SRGAP1: variants seen among roughly 807,000 people sequenced by gnomAD.
SRGAP1 encodes SLIT-ROBO Rho GTPase activating protein 1.
A neutral mutation model predicts 121.9 loss-of-function variants in SRGAP1; 43 were observed. The ratio of observed to expected loss-of-function variants is 0.35; its 90% CI spans 0.28 to 0.46. The LOEUF (loss-of-function observed/expected upper bound fraction) is 0.46, where lower values mean the gene tolerates loss of function less well. Ranked by LOEUF, SRGAP1 falls within the 20% of genes least tolerant of loss-of-function variation. The probability of loss-of-function intolerance (pLI) is 1.00; values close to 1 mark genes in which losing one functional copy is unlikely to be tolerated. For synonymous variants in SRGAP1, 447 were observed against 485.4 expected (o/e 0.92, Z 1.04); for missense variants, 1,102 against 1,350.9 (o/e 0.82, Z 2.89).
At chr12:64,112,531 A>G (rs4763138) in intron 17 of SRGAP1, among the ~76,000 whole-genome samples, 66,409 of 152,026 alleles carry the variant, frequency 0.44, 15,082 homozygotes, top group East Asian at 0.63. Flanking sequence ...TAGCATGGCA[A>G]TATTGCCTCC....
At chr12:63,971,485 A>G (rs2032945902) in intron 1 of SRGAP1, among the ~76,000 whole-genome samples, 1 of 152,116 alleles carries the variant, frequency 6.6e-6, no homozygotes, top group South Asian at 2.1e-4. Flanking sequence ...TGTTGAATTC[A>G]GTTTTTTTTC....
intron 4 of SRGAP1, among the ~76,000 whole-genome samples, chr12:64,034,987 G>C (rs1327970999): frequency 6.6e-6 from 1 of 151,648 alleles, no homozygotes; most frequent in Non-Finnish European, 1.5e-5. Context: ...TAACAGTCCT[G>C]CTGGCCACTC....
intron 6 of SRGAP1, among the ~76,000 whole-genome samples, chr12:64,060,345 C>A (rs1446316885): frequency 1.3e-5 from 2 of 151,626 alleles, no homozygotes; most frequent in Non-Finnish European, 2.9e-5. Context: ...ATAGCTAGGA[C>A]CACAGCACCC....
chr12:64,049,121 G>C (rs1218285293), intron 6 of SRGAP1, among the ~76,000 whole-genome samples: 1 of 152,186 alleles, frequency 6.6e-6, no homozygotes, highest in Non-Finnish European at 1.5e-5. Flanking sequence ...TCTTGTAGTA[G>C]TTGCATAGTT....
chr12:63,993,204 C>CT (rs140162665), intron 3 of SRGAP1, among the ~76,000 whole-genome samples: 172 of 147,394 alleles, frequency 1.2e-3, no homozygotes, highest in East Asian at 4.9e-3. Context: ...TCTTTCCTGC[C>CT]TTTTTTTTTT....
At chr12:64,136,073 G>A (rs2036851844) in intron 21 of SRGAP1, among the ~76,000 whole-genome samples, 1 of 152,202 alleles carries the variant, frequency 6.6e-6, no homozygotes, top group South Asian at 2.1e-4. Flanking sequence ...CATCTGATTA[G>A]ATGGTGCCCA....
At chr12:64,091,860 T>C in intron 12 of SRGAP1, 1 of 1,529,920 alleles carries the variant, frequency 6.5e-7, no homozygotes. Context: ...CTTCGTCTTC[T>C]TTTTCATCCT....
intron 4 of SRGAP1, 78 bp downstream of exon 4, chr12:64,017,090 A>G (rs895875505): frequency 3.6e-6 from 3 of 828,342 alleles, no homozygotes; most frequent in African/African-American, 3.4e-5. Context: ...TCATTGTAGT[A>G]TTCATTCCAA....
intron 1 of SRGAP1, among the ~76,000 whole-genome samples, chr12:63,966,402 A>G (rs2032791494): frequency 6.6e-6 from 1 of 152,222 alleles, no homozygotes; most frequent in African/African-American, 2.4e-5. Context: ...GGCAGGACTC[A>G]GAACTTAAAC....
intron 1 of SRGAP1, among the ~76,000 whole-genome samples, chr12:63,849,990 G>A (rs1899023503): frequency 6.6e-6 from 1 of 152,158 alleles, no homozygotes; most frequent in Non-Finnish European, 1.5e-5. Context: ...CGTCGTCTGT[G>A]AACAGGAGTT....
In SRGAP1 at chr12:63,992,660, TACACACACACACAC is replaced by T. The variant is rs59798383; in HGVS notation, c.426+2631_426+2644del. Among the ~76,000 whole-genome samples the T allele has an allele frequency of 4.3e-3, 594 of 138,566 alleles. 6 individuals carry two copies. Among genetic ancestry groups the T allele is most frequent in the South Asian group, 0.01 (42 of 4,068 alleles). 90.9% of individuals were successfully genotyped at this position (138,566 alleles called of 152,430 possible). ...AATGGCCTGGAGAATGCACAGTAAATACACACACACACACACACACACACACACACACACACACA... is the reference window on the plus strand; with the variant it reads ...AATGGCCTGGAGAATGCACAGTAAATACACACACACACACACACACACACA... On this transcript the variant is annotated intron_variant, in intron 3 of 21. Transcript: ENST00000355086.
In SRGAP1 at chr12:64,159,641, A is replaced by G. The variant is rs2037195921; in HGVS notation, c.*16969A>G. 1 of 152,304 alleles carries G rather than the reference A, an allele frequency of 6.6e-6. No individual in the cohort carries two copies. Among genetic ancestry groups the G allele is most frequent in the South Asian group, 2.1e-4 (1 of 4,840 alleles). The allele number at this position is 152,304 out of a possible 1,614,324, so 9.4% of individuals were successfully genotyped here. A position where few individuals can be genotyped will look rare whatever the true frequency, so the allele number is the denominator to read the frequency against. On this transcript the variant is annotated 3_prime_UTR_variant, in exon 22 of 22. Transcript: ENST00000355086. ...GTGACAGAGTGAGATCCTGTCTCAA[A>G]AAATAATAACAATAACGTATGAGAG...
rs1247101073 is a variant in SRGAP1 at position 64,147,693 on chromosome 12, A to C, written c.*5021A>C. ...ATGCTTTTACAGTCTGGAAAGAAAA[A>C]AAATGTTTTGTTAATCTGTTGTGAC... On this transcript the variant is annotated 3_prime_UTR_variant, in exon 22 of 22. Coordinates refer to ENST00000355086, the MANE Select transcript of SRGAP1 (RefSeq NM_020762.4). The C allele has an allele frequency of 2.5e-6, 1 of 398,538 alleles. No individual in the cohort carries two copies. The highest frequency in any genetic ancestry group is 2.1e-5 in the African/African-American group (1 of 48,626). The allele number at this position is 398,538 out of a possible 1,614,324, so 24.7% of individuals were successfully genotyped here. A position where few individuals can be genotyped will look rare whatever the true frequency, so the allele number is the denominator to read the frequency against.
rs111980260 is a variant in SRGAP1, at chr12:63,979,995, C to A, written c.68-3952C>A. Reference sequence around the variant, plus strand: ...TGGTGCCTCTAGCTGCAGCCGCCTGCGGCCCCATGGCAGGATTCATGCAGT... The same window carrying A: ...TGGTGCCTCTAGCTGCAGCCGCCTGAGGCCCCATGGCAGGATTCATGCAGT... On this transcript the variant is annotated intron_variant, in intron 1 of 21. Coordinates refer to ENST00000355086, the MANE Select transcript of SRGAP1 (RefSeq NM_020762.4). Among the ~76,000 whole-genome samples, 396 of 152,336 alleles carry A rather than the reference C, an allele frequency of 2.6e-3. 1 individual carries two copies. Among genetic ancestry groups the A allele is most frequent in the African/African-American group, 9.1e-3 (377 of 41,572 alleles).
At position 64,148,441 on chromosome 12, in the gene SRGAP1, C is replaced by G. The variant is rs1258247951; in HGVS notation, c.*5769C>G. ...TAATTACAGGCACCCGCCACCACACCCAGCTACTTTTCGTATTTTTAGTGG... is the reference window on the plus strand; with the variant it reads ...TAATTACAGGCACCCGCCACCACACGCAGCTACTTTTCGTATTTTTAGTGG... On this transcript the variant is annotated 3_prime_UTR_variant, in exon 22 of 22. Coordinates refer to ENST00000355086, the MANE Select transcript of SRGAP1 (RefSeq NM_020762.4). 1 of 151,878 alleles carries G rather than the reference C, an allele frequency of 6.6e-6. No homozygotes were observed. Among genetic ancestry groups the G allele is most frequent in the African/African-American group, 2.4e-5 (1 of 41,334 alleles). The allele number at this position is 151,878 out of a possible 1,614,324, so 9.4% of individuals were successfully genotyped here.
intron 1 of SRGAP1, among the ~76,000 whole-genome samples, chr12:63,960,095 G>A (rs1237754973): frequency 6.6e-6 from 1 of 152,172 alleles, no homozygotes; most frequent in East Asian, 1.9e-4. Flanking sequence ...CTAGACGATG[G>A]ATCAACTTTT....
chr12:63,958,838 A>AT (rs1467302374), intron 1 of SRGAP1, among the ~76,000 whole-genome samples: 2 of 152,074 alleles, frequency 1.3e-5, no homozygotes, highest in Non-Finnish European at 2.9e-5. Flanking sequence ...TTAAACTCTA[A>AT]TTTTCCCTCG....
At chr12:63,887,252 G>A (rs1324366002) in intron 1 of SRGAP1, 1 of 152,260 alleles carries the variant, frequency 6.6e-6, no homozygotes, top group Non-Finnish European at 1.5e-5. Flanking sequence ...TTTTCTACAT[G>A]GGGTTGTCCA....
chr12:64,127,559 A>G (rs1240730791), intron 19 of SRGAP1, 31 bp from the exon 20 acceptor site: 1 of 1,566,198 alleles, frequency 6.4e-7, no homozygotes, highest in Non-Finnish European at 8.7e-7. Context: ...AAATCTAGTA[A>G]ATTTTGTCTC....
Sources: allele counts gnomAD v4.1 joint callset (sites outside exome capture counted in the v4.1 genomes callset), GRCh38; gene constraint gnomAD v4.1.1; transcripts MANE v1.5; gene names NCBI Gene and HGNC (gene_info 2026-07-23, HGNC 2026-07-21).